CMKLR1: variants seen among roughly 807,000 people sequenced by gnomAD.
CMKLR1 encodes chemerin chemokine-like receptor 1.
A neutral mutation model predicts 8.2 loss-of-function variants in CMKLR1; 6 were observed. The ratio of observed to expected loss-of-function variants is 0.73; its 90% CI spans 0.40 to 1.44. The LOEUF (loss-of-function observed/expected upper bound fraction) is 1.44, where lower values mean the gene tolerates loss of function less well. CMKLR1 is among the 40% of genes most tolerant of loss of function. The pLI, the probability that CMKLR1 is intolerant of heterozygous loss-of-function variation, is 0.02. For missense variants in CMKLR1, 429 were observed against 478.0 expected (o/e 0.90, Z 0.96); for synonymous variants, 178 against 181.2 (o/e 0.98, Z 0.14).
In CMKLR1 at chr12:108,290,317, G is replaced by T. The variant is rs982139682; in HGVS notation, c.*1524C>A. 8 of 152,144 alleles carry T rather than the reference G, an allele frequency of 5.3e-5. No homozygotes were observed. Among genetic ancestry groups the T allele is most frequent in the African/African-American group, 1.9e-4 (8 of 41,412 alleles). The allele number at this position is 152,144 out of a possible 1,614,324, so 9.4% of individuals were successfully genotyped here. A position where few individuals can be genotyped will look rare whatever the true frequency, so the allele number is the denominator to read the frequency against. The stretch of plus-strand genomic sequence containing the variant: ...CCAAGCTCCGGCAGAGACTAGCTGG[G>T]TACCTTTGGGCAAGTTACTTAACCT... On this transcript the variant is annotated 3_prime_UTR_variant, in exon 4 of 4. Coordinates refer to ENST00000550402, the MANE Select transcript of CMKLR1 (RefSeq NM_001142343.2).
rs144049270 is a variant in CMKLR1 at position 108,320,278 on chromosome 12, A to G, written c.-74+9717T>C. On this transcript the variant is annotated intron_variant, in intron 2 of 3. Coordinates refer to ENST00000550402, the MANE Select transcript of CMKLR1 (RefSeq NM_001142343.2). ...GTGGAGTAGAGGTAGAGTTTCAGCC[A>G]GAACATATGGACCCCAGTGTCTCTA... is the stretch of plus-strand genomic sequence containing the variant. Among the ~76,000 whole-genome samples the G allele has an allele frequency of 4.2e-3, 643 of 151,876 alleles. 4 individuals carry two copies. Among genetic ancestry groups the G allele is most frequent in the African/African-American group, 0.014 (588 of 41,146 alleles).
intron 1 of CMKLR1, among the ~76,000 whole-genome samples, chr12:108,334,865 T>C (rs1028265276): frequency 5.3e-5 from 8 of 152,200 alleles, no homozygotes; most frequent in Non-Finnish European, 1.2e-4. Flanking sequence ...AAGTAGATAA[T>C]GGATATAAAT....
chr12:108,304,920 A>G (rs1891368865), intron 2 of CMKLR1, among the ~76,000 whole-genome samples: 1 of 152,174 alleles, frequency 6.6e-6, no homozygotes, highest in Non-Finnish European at 1.5e-5. Flanking sequence ...TGGGCGTAAG[A>G]GCCCATCAGG....
intron 2 of CMKLR1, among the ~76,000 whole-genome samples, chr12:108,305,989 C>T (rs187911924): frequency 1.4e-3 from 215 of 152,322 alleles, no homozygotes; most frequent in Middle Eastern, 0.014. Context: ...AAAATATTCA[C>T]GCCACTGCCT....
chr12:108,312,759 G>A (rs901005346), intron 2 of CMKLR1, among the ~76,000 whole-genome samples: 7 of 152,120 alleles, frequency 4.6e-5, no homozygotes, highest in African/African-American at 1.7e-4. Flanking sequence ...TGCTGCACAC[G>A]GGGCCCTGTG....
chr12:108,303,301 AC>A (rs1419341577), intron 2 of CMKLR1, among the ~76,000 whole-genome samples: 1 of 151,722 alleles, frequency 6.6e-6, no homozygotes, highest in African/African-American at 2.4e-5. Context: ...TCCTGCCCAC[AC>A]CCCCGCTGCC....
At position 108,304,990 on chromosome 12, in the gene CMKLR1, T is replaced by G. The variant is rs534200161; in HGVS notation, c.-73-11326A>C. 2.0e-5 allele frequency among the ~76,000 whole-genome samples: 3 copies of G among 152,272 alleles called. No individual in the cohort carries two copies. The South Asian group carries it at 6.2e-4, about 32-fold the overall frequency. On this transcript the variant is annotated intron_variant, in intron 2 of 3. Coordinates refer to ENST00000550402, the MANE Select transcript of CMKLR1 (RefSeq NM_001142343.2). ...ATGTTTGGCCTGGCTCCTGTCCCCA[T>G]CTTCTCCCCACATGACCCACCCTGA...
In CMKLR1 at chr12:108,289,360, A is replaced by C. The variant is rs1035588045; in HGVS notation, c.*2481T>G. 1.3e-5 allele frequency: 2 copies of C among 152,350 alleles called. No homozygotes were observed. Among genetic ancestry groups the C allele is most frequent in the Non-Finnish European group, 2.9e-5 (2 of 68,112 alleles). The allele number at this position is 152,350 out of a possible 1,614,324, so 9.4% of individuals were successfully genotyped here. Reference sequence around the variant, plus strand: ...ATGTTCACATGAAGCTGTGGGGACAAGACTGTATGGGATGTTAAGGCTGCA... The same window carrying C: ...ATGTTCACATGAAGCTGTGGGGACACGACTGTATGGGATGTTAAGGCTGCA... On this transcript the variant is annotated 3_prime_UTR_variant, in exon 4 of 4. Transcript: ENST00000550402.
intron 2 of CMKLR1, among the ~76,000 whole-genome samples, chr12:108,308,677 G>T (rs144106847): frequency 2.4e-4 from 36 of 152,268 alleles, no homozygotes; most frequent in African/African-American, 5.3e-4. Flanking sequence ...CAAGGCAGGG[G>T]CCCCTCCAGA....
intron 2 of CMKLR1, among the ~76,000 whole-genome samples, chr12:108,320,374 C>T (rs372751093): frequency 3.9e-5 from 6 of 152,162 alleles, no homozygotes; most frequent in South Asian, 4.2e-4. Context: ...GGGAGGTATG[C>T]GCCAGGTAAG....
Position 108,292,293 on chromosome 12 carries a change from G to T in CMKLR1, c.670C>A (p.Arg224Ser). 1.9e-6 allele frequency: 3 copies of T among 1,614,140 alleles called. No homozygotes were observed. The highest frequency in any genetic ancestry group is 2.5e-6 in the Non-Finnish European group (3 of 1,180,034). ...GGGACCAGGAAGCCACAGAGGAAGC[G>T]GGTGACAGTCACCACCATGTGCCGG... Reference protein sequence around the residue: ...YSRHMVVTVTRFLCGFLVPVL... With the variant: ...YSRHMVVTVTSFLCGFLVPVL... Residue 224 changes from arginine (R) to serine (S), a missense_variant, in exon 4 of 4, where the codon CGC becomes AGC. Arg to Ser is a moderately radical substitution (Grantham distance 110). Transcript: ENST00000550402.
At chr12:108,302,533 G>A (rs112503190) in intron 2 of CMKLR1, among the ~76,000 whole-genome samples, 2,706 of 143,732 alleles carry the variant, frequency 0.019, 76 homozygotes, top group African/African-American at 0.058. Flanking sequence ...ATCCCACAGC[G>A]TCCTACAGAG....
rs1890872451 is a variant in CMKLR1 at position 108,288,786 on chromosome 12, T to A, written c.*3055A>T. 1 of 152,350 alleles carries A rather than the reference T, an allele frequency of 6.6e-6. No homozygotes were observed. The highest frequency in any genetic ancestry group is 1.9e-4 in the East Asian group (1 of 5,192). The allele number at this position is 152,350 out of a possible 1,614,324, so 9.4% of individuals were successfully genotyped here. A position where few individuals can be genotyped will look rare whatever the true frequency, so the allele number is the denominator to read the frequency against. ...TTCCTCTCCCCTTCTCTCTTCTTTC[T>A]TTCTTCCTTGTCTTTTCCTTCTTCT... is the stretch of plus-strand genomic sequence containing the variant. On this transcript the variant is annotated 3_prime_UTR_variant, in exon 4 of 4. Coordinates refer to ENST00000550402, the MANE Select transcript of CMKLR1 (RefSeq NM_001142343.2).
chr12:108,313,345 T>C (rs976796015), intron 2 of CMKLR1, among the ~76,000 whole-genome samples: 1 of 149,280 alleles, frequency 6.7e-6, no homozygotes, highest in Non-Finnish European at 1.5e-5. Flanking sequence ...AAGTCATTGC[T>C]AGAGAGGCTT....
intron 1 of CMKLR1, among the ~76,000 whole-genome samples, chr12:108,331,677 C>G (rs78644508): frequency 0.012 from 1,776 of 152,294 alleles, 29 homozygotes; most frequent in African/African-American, 0.04. Flanking sequence ...GTGAGCTCAG[C>G]GTCTTTAAAA....
intron 2 of CMKLR1, among the ~76,000 whole-genome samples, chr12:108,307,949 T>C (rs1891451411): frequency 6.6e-6 from 1 of 152,110 alleles, no homozygotes; most frequent in Admixed American, 6.5e-5. Context: ...CTTCATCAGG[T>C]CACAAACAAT....
chr12:108,334,520 C>T (rs1008638072), intron 1 of CMKLR1, among the ~76,000 whole-genome samples: 3 of 152,196 alleles, frequency 2.0e-5, no homozygotes, highest in Non-Finnish European at 4.4e-5. Context: ...GGACAACCAC[C>T]CAGCTGCCTT....
At chr12:108,299,620 T>A (rs1264401084) in intron 2 of CMKLR1, among the ~76,000 whole-genome samples, 1 of 151,956 alleles carries the variant, frequency 6.6e-6, no homozygotes, top group Non-Finnish European at 1.5e-5. Context: ...GGGATTAGAG[T>A]AGGCCCCAGA....
intron 1 of CMKLR1, among the ~76,000 whole-genome samples, chr12:108,333,977 A>G (rs552677653): frequency 1.1e-3 from 167 of 152,364 alleles, no homozygotes; most frequent in African/African-American, 3.9e-3. Context: ...GGGGCTCCTC[A>G]CTGCATCTCA....
Sources: gnomAD v4.1 joint callset for allele counts (sites outside exome capture counted in the v4.1 genomes callset) on GRCh38, gnomAD v4.1.1 for gene constraint, MANE v1.5 for transcripts, NCBI Gene and HGNC (gene_info 2026-07-23, HGNC 2026-07-21) for gene names.